Variants in EFNA5 observed in about 807,000 individuals in gnomAD.
The protein encoded by EFNA5 is ephrin-A5.
In EFNA5, 5 loss-of-function variants were observed where a neutral mutation model predicts 22.9. The observed-to-expected ratio is 0.22, with a 90% CI of 0.11 to 0.46. EFNA5 has a LOEUF of 0.46. Among genes scored for constraint, EFNA5 ranks in the 20% least tolerant of loss-of-function variants. EFNA5 has a pLI of 0.99. For synonymous variants in EFNA5, 113 were observed against 112.2 expected, an observed-to-expected ratio of 1.01 and a Z score of -0.04; for missense variants, 237 against 293.3, an observed-to-expected ratio of 0.81 and a Z score of 1.40.
intron 2 of EFNA5, among the ~76,000 whole-genome samples, chr5:107,408,482 A>G (rs1748278760): frequency 6.6e-6 from 1 of 152,170 alleles, no homozygotes; most frequent in Non-Finnish European, 1.5e-5. Context: ...TCACTCTGCA[A>G]TTTATCTTTT....
At chr5:107,575,380 C>T (rs767484948) in intron 1 of EFNA5, among the ~76,000 whole-genome samples, 1 of 152,170 alleles carries the variant, frequency 6.6e-6, no homozygotes, top group Non-Finnish European at 1.5e-5. Flanking sequence ...GTCATCAGGA[C>T]ACATACCATG....
chr5:107,558,634 T>G (rs1481539773), intron 1 of EFNA5, among the ~76,000 whole-genome samples: 1 of 152,234 alleles, frequency 6.6e-6, no homozygotes. Flanking sequence ...AAATTGCTCT[T>G]TGTCCATATT....
At chr5:107,384,073 T>A (rs1042791275) in intron 4 of EFNA5, among the ~76,000 whole-genome samples, 15 of 152,194 alleles carry the variant, frequency 9.9e-5, no homozygotes, top group African/African-American at 3.4e-4. Context: ...TGTTGGAAGA[T>A]TCTACAGCCC....
intron 1 of EFNA5, chr5:107,506,082 C>T (rs152562): frequency 0.54 from 82,316 of 152,024 alleles, 22,750 homozygotes; most frequent in East Asian, 0.76. Flanking sequence ...TGAGCACTTA[C>T]GCTTTATTTG....
intron 1 of EFNA5, among the ~76,000 whole-genome samples, chr5:107,485,011 GA>G (rs368384569): frequency 6.3e-4 from 93 of 148,560 alleles, no homozygotes; most frequent in Middle Eastern, 3.5e-3. Context: ...AAAAGAAAAA[GA>G]AAAAAAGGTA....
chr5:107,403,519 G>T (rs994456987), intron 2 of EFNA5, among the ~76,000 whole-genome samples: 2 of 152,304 alleles, frequency 1.3e-5, no homozygotes, highest in African/African-American at 4.8e-5. Context: ...CATAACACTA[G>T]TTCTTCCTAG....
chr5:107,514,430 T>C (rs563408569), intron 1 of EFNA5, among the ~76,000 whole-genome samples: 2 of 152,304 alleles, frequency 1.3e-5, no homozygotes, highest in South Asian at 4.1e-4. Flanking sequence ...TGTGAACTGA[T>C]TTCTCCCTTC....
In EFNA5 at chr5:107,381,065, G is replaced by T; in HGVS notation, c.*190C>A. On this transcript the variant is annotated 3_prime_UTR_variant, in exon 5 of 5. Coordinates refer to ENST00000333274, the MANE Select transcript of EFNA5 (RefSeq NM_001962.3). ...TGGGGGTGGGGCGGGGTGGGGTGAGGGAGGCAGGAACAAGTTTAGGCCCCC... is the reference window on the plus strand; with the variant it reads ...TGGGGGTGGGGCGGGGTGGGGTGAGTGAGGCAGGAACAAGTTTAGGCCCCC... The T allele has an allele frequency of 1.3e-6, 1 of 755,876 alleles. No homozygotes were observed. The highest frequency in any genetic ancestry group is 2.0e-6 in the Non-Finnish European group (1 of 501,820). The allele number at this position is 755,876 out of a possible 1,614,324, so 46.8% of individuals were successfully genotyped here.
At chr5:107,480,705 G>A (rs1295395416) in intron 1 of EFNA5, among the ~76,000 whole-genome samples, 2 of 152,134 alleles carry the variant, frequency 1.3e-5, no homozygotes, top group East Asian at 3.9e-4. Flanking sequence ...CAGGGCTGGG[G>A]ATACACAGAA....
intron 2 of EFNA5, among the ~76,000 whole-genome samples, chr5:107,414,387 T>A (rs1454222622): frequency 6.6e-6 from 1 of 152,228 alleles, no homozygotes; most frequent in African/African-American, 2.4e-5. Context: ...TTTATTTCTC[T>A]TTTTGCTGTT....
intron 1 of EFNA5, among the ~76,000 whole-genome samples, chr5:107,460,692 CA>C (rs1321420009): frequency 1.3e-5 from 2 of 151,978 alleles, no homozygotes; most frequent in Non-Finnish European, 2.9e-5. Context: ...ATATCTTAAC[CA>C]AAAAACAGAA....
At chr5:107,418,579 C>G (rs1748569034) in intron 2 of EFNA5, among the ~76,000 whole-genome samples, 1 of 152,184 alleles carries the variant, frequency 6.6e-6, no homozygotes, top group Admixed American at 6.5e-5. Flanking sequence ...CATGCTTCCT[C>G]TGTCTCATAA....
At chr5:107,458,949 A>G (rs560071782) in intron 1 of EFNA5, among the ~76,000 whole-genome samples, 2 of 152,298 alleles carry the variant, frequency 1.3e-5, no homozygotes, top group Admixed American at 1.3e-4. Flanking sequence ...GATTCTCTAT[A>G]AAGGATTTCT....
At chr5:107,587,679 G>T (rs991444813) in intron 1 of EFNA5, among the ~76,000 whole-genome samples, 4 of 152,106 alleles carry the variant, frequency 2.6e-5, no homozygotes, top group African/African-American at 9.7e-5. Context: ...ACCACGCCCA[G>T]CTAATTTTTT....
chr5:107,413,301 T>C (rs572153058), intron 2 of EFNA5, among the ~76,000 whole-genome samples: 1 of 152,268 alleles, frequency 6.6e-6, no homozygotes, highest in South Asian at 2.1e-4. Flanking sequence ...TCTAACCCAA[T>C]ACAGAAGTGG....
intron 1 of EFNA5, among the ~76,000 whole-genome samples, chr5:107,531,929 A>G (rs1747819270): frequency 6.6e-6 from 1 of 152,224 alleles, no homozygotes; most frequent in African/African-American, 2.4e-5. Context: ...ATCAACTGCA[A>G]TGGTAAATAG....
At chr5:107,669,591 A>G (rs1252756400) in intron 1 of EFNA5, among the ~76,000 whole-genome samples, 3 of 151,942 alleles carry the variant, frequency 2.0e-5, no homozygotes, top group African/African-American at 4.8e-5. Context: ...GCCGGTGTCC[A>G]GCACGCGCAC....
chr5:107,396,998 C>T (rs538328117), intron 2 of EFNA5, among the ~76,000 whole-genome samples: 2 of 152,216 alleles, frequency 1.3e-5, no homozygotes, highest in Admixed American at 6.5e-5. Flanking sequence ...GAAACCAGCC[C>T]AGAGGTGGCT....
chr5:107,445,913 T>C (rs1241471641), intron 1 of EFNA5, among the ~76,000 whole-genome samples: 1 of 152,190 alleles, frequency 6.6e-6, no homozygotes, highest in African/African-American at 2.4e-5. Flanking sequence ...TTTATCTTCA[T>C]TTTTCAGACT....
Sources: allele counts gnomAD v4.1 joint callset (sites outside exome capture counted in the v4.1 genomes callset), GRCh38; gene constraint gnomAD v4.1.1; transcripts MANE v1.5; gene names NCBI Gene and HGNC (gene_info 2026-07-23, HGNC 2026-07-21).